The following FSTL5 variants were observed in gnomAD, a reference collection of about 807,000 sequenced individuals.
The protein encoded by FSTL5 is follistatin-related protein 5.
In FSTL5, 62 loss-of-function variants were observed where a neutral mutation model predicts 89.1. That is an observed-to-expected ratio of 0.70 (90% CI 0.57 to 0.86). The LOEUF (loss-of-function observed/expected upper bound fraction) is 0.86. Ranked by LOEUF, FSTL5 falls within the 40% of genes least tolerant of loss-of-function variation. The pLI, the probability that FSTL5 is intolerant of heterozygous loss-of-function variation, is 0.00. For missense variants in FSTL5, 1,057 were observed against 1,001.6 expected (o/e 1.06, Z -0.75); for synonymous variants, 383 against 346.2 (o/e 1.11, Z -1.18).
At chr4:161,760,880 G>A (rs2126790581) in intron 5 of FSTL5, among the ~76,000 whole-genome samples, 1 of 152,204 alleles carries the variant, frequency 6.6e-6, no homozygotes, top group South Asian at 2.1e-4. Context: ...CTCCTGTGTT[G>A]AACGTTTCAT....
chr4:162,099,659 T>C (rs150514894), intron 2 of FSTL5, among the ~76,000 whole-genome samples: 199 of 152,150 alleles, frequency 1.3e-3, no homozygotes, highest in African/African-American at 4.5e-3. Context: ...AGAAAAAATA[T>C]TTACAAAAGA....
intron 10 of FSTL5, among the ~76,000 whole-genome samples, chr4:161,510,664 T>C (rs1347942492): frequency 2.6e-5 from 4 of 151,800 alleles, no homozygotes; most frequent in Admixed American, 6.6e-5. Flanking sequence ...ACAGATTTTG[T>C]TATTAAACAA....
chr4:162,077,275 C>T (rs537156483), intron 2 of FSTL5, among the ~76,000 whole-genome samples: 1 of 151,760 alleles, frequency 6.6e-6, no homozygotes, highest in Non-Finnish European at 1.5e-5. Flanking sequence ...CCCACTCCTA[C>T]TCCCATGATG....
chr4:161,675,623 A>G (rs1166498586), intron 6 of FSTL5, among the ~76,000 whole-genome samples: 1 of 151,772 alleles, frequency 6.6e-6, no homozygotes, highest in Non-Finnish European at 1.5e-5. Flanking sequence ...AGGAGTTCAA[A>G]TTTTAAAATT....
intron 4 of FSTL5, among the ~76,000 whole-genome samples, chr4:161,833,845 T>C (rs1190361652): frequency 2.0e-5 from 3 of 151,868 alleles, no homozygotes; most frequent in African/African-American, 7.3e-5. Flanking sequence ...AATTTGCCAG[T>C]CTGTGTCTTT....
Position 161,601,329 on chromosome 4 carries a change from G to GAAAAAAAAAAA in FSTL5, c.895-13765_895-13755dup, listed in dbSNP as rs35261391. Among the ~76,000 whole-genome samples, 8 of 107,540 alleles carry GAAAAAAAAAAA rather than the reference G, an allele frequency of 7.4e-5. 4 individuals carry two copies. Among genetic ancestry groups the GAAAAAAAAAAA allele is most frequent in the Admixed American group, 2.0e-4 (2 of 10,148 alleles). The allele number at this position is 107,540 out of a possible 152,430, so 70.6% of individuals were successfully genotyped here. On this transcript the variant is annotated intron_variant, in intron 7 of 15. Coordinates refer to ENST00000306100, the MANE Select transcript of FSTL5 (RefSeq NM_020116.5). The stretch of plus-strand genomic sequence containing the variant: ...AGTGACACAAAGTCTTAAATAGTTG[G>GAAAAAAAAAAA]AAAAAAAAAAAAAAAAAAAAAGGCA...
chr4:161,877,493 T>G (rs1458326854), intron 4 of FSTL5, among the ~76,000 whole-genome samples: 1 of 151,624 alleles, frequency 6.6e-6, no homozygotes, highest in Non-Finnish European at 1.5e-5. Context: ...AAATTTTGCA[T>G]AGTTCACAAT....
intron 3 of FSTL5, among the ~76,000 whole-genome samples, chr4:161,977,612 C>CAAAAA (rs796909244): frequency 2.1e-3 from 201 of 95,016 alleles, no homozygotes; most frequent in Non-Finnish European, 2.8e-3. Context: ...GACTCCGTGT[C>CAAAAA]AAAAAAAAAA....
chr4:161,923,031 A>G (rs905229628), intron 3 of FSTL5, among the ~76,000 whole-genome samples: 9 of 151,972 alleles, frequency 5.9e-5, no homozygotes, highest in African/African-American at 2.2e-4. Flanking sequence ...ATATATTGTT[A>G]TAACAAATAA....
chr4:161,412,558 G>A (rs1158384048), intron 15 of FSTL5, among the ~76,000 whole-genome samples: 1 of 152,096 alleles, frequency 6.6e-6, no homozygotes, highest in Non-Finnish European at 1.5e-5. Flanking sequence ...TAAATGATGA[G>A]TTAATGGGTG....
intron 4 of FSTL5, among the ~76,000 whole-genome samples, chr4:161,826,560 G>T (rs1422776535): frequency 6.6e-6 from 1 of 151,936 alleles, no homozygotes; most frequent in Non-Finnish European, 1.5e-5. Context: ...TATAAATTTG[G>T]GAGTTCCAAT....
intron 3 of FSTL5, among the ~76,000 whole-genome samples, chr4:161,951,781 A>G (rs1174936749): frequency 1.3e-5 from 2 of 152,006 alleles, no homozygotes; most frequent in African/African-American, 2.4e-5. Context: ...TTGCTGCAAA[A>G]TTGTTGAAAT....
intron 1 of FSTL5, among the ~76,000 whole-genome samples, chr4:162,111,812 T>C (rs937479629): frequency 1.2e-4 from 19 of 152,158 alleles, no homozygotes; most frequent in African/African-American, 4.3e-4. Flanking sequence ...GAACAAATCT[T>C]AATAGACTTA....
intron 3 of FSTL5, among the ~76,000 whole-genome samples, chr4:162,007,369 A>G (rs1054692464): frequency 3.3e-5 from 5 of 151,874 alleles, no homozygotes; most frequent in Admixed American, 6.6e-5. Flanking sequence ...AGGAGCTATA[A>G]GTAATTACAA....
chr4:162,070,230 T>C (rs929265713), intron 2 of FSTL5, among the ~76,000 whole-genome samples: 6 of 152,042 alleles, frequency 3.9e-5, no homozygotes, highest in African/African-American at 9.6e-5. Flanking sequence ...TTCTGTTAGA[T>C]GTTGCATTGA....
intron 2 of FSTL5, among the ~76,000 whole-genome samples, chr4:162,088,551 A>G (rs1730413092): frequency 6.6e-6 from 1 of 152,144 alleles, no homozygotes; most frequent in Non-Finnish European, 1.5e-5. Context: ...GAGAGTATTC[A>G]GTCAAAATAG....
intron 8 of FSTL5, among the ~76,000 whole-genome samples, chr4:161,549,030 C>A (rs1020191902): frequency 6.6e-6 from 1 of 151,618 alleles, no homozygotes; most frequent in African/African-American, 2.4e-5. Flanking sequence ...AGAGTGGTAC[C>A]TTTCCATACT....
intron 7 of FSTL5, among the ~76,000 whole-genome samples, chr4:161,639,473 A>G (rs1188169476): frequency 2.6e-5 from 4 of 152,202 alleles, no homozygotes; most frequent in Non-Finnish European, 5.9e-5. Context: ...AAGGAAGATA[A>G]GCTACAAAAA....
intron 11 of FSTL5, 74 bp from the exon 12 acceptor site, chr4:161,500,208 C>T: frequency 1.1e-6 from 1 of 951,382 alleles, no homozygotes; most frequent in South Asian, 1.6e-5. Context: ...TTCAGTGCCT[C>T]TCATATCTTT....
Sources: gnomAD v4.1 joint callset for allele counts (sites outside exome capture counted in the v4.1 genomes callset) on GRCh38, gnomAD v4.1.1 for gene constraint, MANE v1.5 for transcripts, NCBI Gene and HGNC (gene_info 2026-07-23, HGNC 2026-07-21) for gene names.